Variants in STXBP4 observed in about 807,000 individuals in gnomAD.
STXBP4 encodes syntaxin-binding protein 4.
STXBP4 carries 55 observed loss-of-function variants against 76.1 expected under a neutral mutation model. The observed-to-expected ratio is 0.72, with a 90% CI of 0.58 to 0.91. The LOEUF (loss-of-function observed/expected upper bound fraction) is 0.91, where lower values mean the gene tolerates loss of function less well. STXBP4 is among the 40% of genes least tolerant of loss of function. The pLI, the probability that STXBP4 is intolerant of heterozygous loss-of-function variation, is 0.00. For synonymous variants in STXBP4, 201 were observed against 220.2 expected, an observed-to-expected ratio of 0.91 and a Z score of 0.77; for missense variants, 618 against 636.9, an observed-to-expected ratio of 0.97 and a Z score of 0.32.
the STXBP4 span, among the ~76,000 whole-genome samples, chr17:55,202,619 C>G: frequency 6.6e-6 from 1 of 152,054 alleles, no homozygotes; most frequent in African/African-American, 2.4e-5. Flanking sequence ...ATTCTATGCT[C>G]TTTCTATGTG....
At chr17:55,198,429 G>A in the STXBP4 span, among the ~76,000 whole-genome samples, 2 of 152,104 alleles carry the variant, frequency 1.3e-5, no homozygotes, top group African/African-American at 2.4e-5. Flanking sequence ...GTGGGCTGTG[G>A]CTGCTTCTGT....
At chr17:54,968,963 C>T (rs1357635120) in intron 1 of STXBP4, 148 bp downstream of exon 1, 2 of 304,384 alleles carry the variant, frequency 6.6e-6, no homozygotes, top group Non-Finnish European at 1.3e-5. Context: ...TTAAACTCCA[C>T]CAGCCTTTGT....
chr17:55,085,583 T>C (rs942108043), intron 16 of STXBP4, among the ~76,000 whole-genome samples: 1 of 151,752 alleles, frequency 6.6e-6, no homozygotes. Context: ...CTTTTAATCT[T>C]CCCTATGCTG....
At chr17:55,212,544 C>T in the STXBP4 span, among the ~76,000 whole-genome samples, 1 of 152,148 alleles carries the variant, frequency 6.6e-6, no homozygotes, top group Admixed American at 6.5e-5. Context: ...TGGAATGTCT[C>T]AATTTATTCG....
At chr17:55,056,666 C>A (rs938353305) in intron 12 of STXBP4, among the ~76,000 whole-genome samples, 1 of 152,112 alleles carries the variant, frequency 6.6e-6, no homozygotes. Flanking sequence ...CATGCCGCTG[C>A]ACTCCAGCCT....
intron 16 of STXBP4, among the ~76,000 whole-genome samples, chr17:55,092,144 CTG>C (rs1246388942): frequency 1.3e-5 from 2 of 152,084 alleles, no homozygotes; most frequent in African/African-American, 4.8e-5. Context: ...ACAATGGACT[CTG>C]GGGACTTAGT....
intron 16 of STXBP4, among the ~76,000 whole-genome samples, chr17:55,108,249 G>T (rs1352227422): frequency 6.6e-6 from 1 of 152,140 alleles, no homozygotes; most frequent in Non-Finnish European, 1.5e-5. Flanking sequence ...AATGGTGGAC[G>T]CCCCTCCCCC....
chr17:55,162,489 A>G lies in STXBP4; in HGVS notation c.*2578A>G, dbSNP rs1003135341. 6.6e-6 allele frequency: 1 copy of G among 152,228 alleles called. No individual in the cohort carries two copies. Among genetic ancestry groups the G allele is most frequent in the Middle Eastern group, 3.4e-3 (1 of 294 alleles). The allele number at this position is 152,228 out of a possible 1,614,324, so 9.4% of individuals were successfully genotyped here. On this transcript the variant is annotated 3_prime_UTR_variant, in exon 18 of 18. Transcript: ENST00000376352. ...CTCAAAATATTTATTGAGCACCAAC[A>G]ATGTCACAAGCACTGTGCTAAACAC... is the stretch of plus-strand genomic sequence containing the variant.
At chr17:55,198,146 G>A in the STXBP4 span, among the ~76,000 whole-genome samples, 21 of 152,196 alleles carry the variant, frequency 1.4e-4, no homozygotes, top group South Asian at 6.2e-4. Context: ...CACAATCAGA[G>A]GCTGAAGTGA....
At chr17:55,080,487 A>C (rs967485365) in intron 15 of STXBP4, among the ~76,000 whole-genome samples, 16 of 152,012 alleles carry the variant, frequency 1.1e-4, no homozygotes, top group Admixed American at 2.0e-4. Flanking sequence ...TTTGAAGAAA[A>C]CATTTAATTT....
intron 9 of STXBP4, among the ~76,000 whole-genome samples, chr17:55,032,624 G>A (rs1320288123): frequency 6.6e-6 from 1 of 152,052 alleles, no homozygotes; most frequent in Non-Finnish European, 1.5e-5. Context: ...CAAGTAGTCC[G>A]GCATCTCCCA....
intron 1 of STXBP4, among the ~76,000 whole-genome samples, chr17:54,984,733 T>C (rs2077602647): frequency 6.6e-6 from 1 of 152,162 alleles, no homozygotes; most frequent in Non-Finnish European, 1.5e-5. Flanking sequence ...TGTGCTGATA[T>C]ATTGATTCTC....
At chr17:55,150,458 T>A (rs575453425) in intron 17 of STXBP4, among the ~76,000 whole-genome samples, 1 of 152,314 alleles carries the variant, frequency 6.6e-6, no homozygotes, top group South Asian at 2.1e-4. Context: ...ATTATCTCCA[T>A]GGAGATCCAG....
At chr17:55,211,799 G>GTTTTTT in the STXBP4 span, among the ~76,000 whole-genome samples, 137 of 48,994 alleles carry the variant, frequency 2.8e-3, 10 homozygotes, top group African/African-American at 3.2e-3. Flanking sequence ...GTTTTTTGTT[G>GTTTTTT]TTTTTTTTTT....
intron 17 of STXBP4, among the ~76,000 whole-genome samples, chr17:55,156,714 T>C (rs1244154120): frequency 6.6e-6 from 1 of 152,172 alleles, no homozygotes; most frequent in African/African-American, 2.4e-5. Context: ...TAATTGCATA[T>C]TTGATGCTTA....
At chr17:55,202,705 G>T in the STXBP4 span, among the ~76,000 whole-genome samples, 2 of 152,080 alleles carry the variant, frequency 1.3e-5, no homozygotes, top group African/African-American at 2.4e-5. Flanking sequence ...AATAGGCGTG[G>T]TTTATTTCTG....
At chr17:55,114,898 C>T (rs1025990049) in intron 16 of STXBP4, among the ~76,000 whole-genome samples, 5 of 151,928 alleles carry the variant, frequency 3.3e-5, no homozygotes, top group Admixed American at 1.3e-4. Flanking sequence ...TTTTGGTACT[C>T]TTGCAATTAC....
intron 7 of STXBP4, among the ~76,000 whole-genome samples, chr17:55,003,361 C>T (rs1369957654): frequency 6.6e-6 from 1 of 152,086 alleles, no homozygotes. Context: ...TATTAAAATA[C>T]AATTAAGACG....
chr17:54,971,987 A>G (rs1017820013), intron 1 of STXBP4, among the ~76,000 whole-genome samples: 13 of 152,238 alleles, frequency 8.5e-5, no homozygotes, highest in Admixed American at 1.3e-4. Flanking sequence ...ATGTGCCTCA[A>G]TATAGGTCTG....
Sources: allele counts gnomAD v4.1 joint callset (sites outside exome capture counted in the v4.1 genomes callset), GRCh38; gene constraint gnomAD v4.1.1; transcripts MANE v1.5; gene names NCBI Gene and HGNC (gene_info 2026-07-23, HGNC 2026-07-21).